DNA2: variants seen among roughly 807,000 people sequenced by gnomAD.
DNA2 encodes DNA replication helicase/nuclease 2.
A neutral mutation model predicts 119.1 loss-of-function variants in DNA2; 101 were observed. That is an observed-to-expected ratio of 0.85 (90% CI 0.72 to 1.00). The LOEUF is 1.00. Among genes scored for constraint, DNA2 ranks in the 50% least tolerant of loss-of-function variants. The pLI is 0.00. For missense variants in DNA2, 1,121 were observed against 1,255.5 expected (o/e 0.89, Z 1.62); for synonymous variants, 366 against 424.4 (o/e 0.86, Z 1.69).
At chr10:68,430,784 C>A in intron 13 of DNA2, 124 bp from the exon 14 acceptor site, 1 of 736,024 alleles carries the variant, frequency 1.4e-6, no homozygotes, top group Non-Finnish European at 2.2e-6. Context: ...ATTATGAAGC[C>A]AAAACATTTT....
chr10:68,471,058 T>C (rs1346351962), intron 1 of DNA2, among the ~76,000 whole-genome samples: 4 of 152,208 alleles, frequency 2.6e-5, no homozygotes, highest in African/African-American at 9.6e-5. Flanking sequence ...TCCTATTAAG[T>C]ACCTCTTAAG....
chr10:68,444,131 C>T lies in DNA2; in HGVS notation c.1220+790G>A, dbSNP rs74742102. Among the ~76,000 whole-genome samples, 183 of 152,092 alleles carry T rather than the reference C, an allele frequency of 1.2e-3. 6 individuals carry two copies. In the East Asian group the frequency reaches 0.026, roughly 22 times the overall value. On this transcript the variant is annotated intron_variant, in intron 8 of 20. Transcript: ENST00000358410. Reference sequence around the variant, plus strand: ...AAATTGCTGGGCGCAGTGGTTCATGCCTGTAATCCCAGCACTTTGGGAGGC... The same window carrying T: ...AAATTGCTGGGCGCAGTGGTTCATGTCTGTAATCCCAGCACTTTGGGAGGC...
At position 68,414,947 on chromosome 10, in the gene DNA2, G is replaced by A; in HGVS notation, c.*92C>T. The A allele has an allele frequency of 1.3e-6, 1 of 777,986 alleles. No individual in the cohort carries two copies. The highest frequency in any genetic ancestry group is 2.1e-6 in the Non-Finnish European group (1 of 483,528). 48.2% of individuals were successfully genotyped at this position (777,986 alleles called of 1,614,324 possible). On this transcript the variant is annotated 3_prime_UTR_variant, in exon 21 of 21. Transcript: ENST00000358410. ...ACCTGTGCTTTAAAACATAAATACT[G>A]CATTAAATTTTGTATGGTGATAGAA... is the stretch of plus-strand genomic sequence containing the variant.
chr10:68,429,639 G>C (rs1564880970), intron 14 of DNA2, among the ~76,000 whole-genome samples: 1 of 139,014 alleles, frequency 7.2e-6, no homozygotes, highest in African/African-American at 2.6e-5. Flanking sequence ...GTGAACCCAG[G>C]AGGCGAAGCT....
chr10:68,440,290 T>A (rs2051951047), intron 9 of DNA2, among the ~76,000 whole-genome samples: 1 of 152,102 alleles, frequency 6.6e-6, no homozygotes, highest in Non-Finnish European at 1.5e-5. Flanking sequence ...AAGACTTTTT[T>A]ATTTTTTATT....
In DNA2 at chr10:68,416,761, T is replaced by C. The variant is rs756640922; in HGVS notation, c.3062A>G (p.Asn1021Ser). ...CAGCTTCTCCAAAGGAGGATAGCAA[T>C]TTAGTGAGGGCACACACCCCAGAAG... ...LILLGCVPSL[N>S]CYPPLEKLLN... The change falls in exon 20 of 21, where the codon AAT becomes AGT. Residue 1021 changes from asparagine (N) to serine (S), a missense_variant. Physicochemically the swap from Asn to Ser is conservative, Grantham distance 46. Transcript: ENST00000358410. 2.5e-6 allele frequency: 4 copies of C among 1,613,918 alleles called. No individual in the cohort carries two copies. The Admixed American group carries it at 6.7e-5, about 27-fold the overall frequency.
chr10:68,417,211 C>T (rs1320496586), intron 19 of DNA2, among the ~76,000 whole-genome samples: 2 of 150,662 alleles, frequency 1.3e-5, no homozygotes, highest in Admixed American at 6.6e-5. Context: ...GAGCCATAAC[C>T]ATGCCTCCAC....
intron 14 of DNA2, chr10:68,424,437 G>A (rs1564878428): frequency 3.9e-6 from 2 of 516,418 alleles, no homozygotes; most frequent in East Asian, 3.6e-5. Context: ...CAAGGAGGTC[G>A]AGGCTGCAGT....
At chr10:68,443,756 C>G (rs1238179147) in intron 8 of DNA2, among the ~76,000 whole-genome samples, 1 of 152,062 alleles carries the variant, frequency 6.6e-6, no homozygotes, top group Non-Finnish European at 1.5e-5. Context: ...CGAGACCAGC[C>G]TGGGCAACAC....
chr10:68,438,985 A>C (rs2051929009), intron 9 of DNA2, among the ~76,000 whole-genome samples: 1 of 148,942 alleles, frequency 6.7e-6, no homozygotes. Flanking sequence ...GTGAGCTGAG[A>C]TCATGCCATT....
At chr10:68,427,611 T>G (rs1410530029) in intron 14 of DNA2, among the ~76,000 whole-genome samples, 1 of 149,388 alleles carries the variant, frequency 6.7e-6, no homozygotes, top group Non-Finnish European at 1.5e-5. Flanking sequence ...GTCTCACCAG[T>G]GCACTCCAGC....
intron 17 of DNA2, among the ~76,000 whole-genome samples, chr10:68,421,188 G>A (rs1476899597): frequency 2.6e-5 from 4 of 151,784 alleles, no homozygotes; most frequent in African/African-American, 7.3e-5. Context: ...CACCCCCCTC[G>A]GCCTCCCAAA....
intron 17 of DNA2, among the ~76,000 whole-genome samples, 184 bp from the exon 18 acceptor site, chr10:68,420,076 G>A (rs531343485): frequency 2.6e-5 from 4 of 152,248 alleles, no homozygotes; most frequent in African/African-American, 9.6e-5. Flanking sequence ...GCCACGCAGA[G>A]GCCACCTATC....
At chr10:68,417,391 C>CAAAAAAAAAAAAAAAAAAAAAAAA (rs35777569) in intron 19 of DNA2, among the ~76,000 whole-genome samples, 1 of 77,504 alleles carries the variant, frequency 1.3e-5, no homozygotes, top group African/African-American at 5.4e-5. Context: ...ATAAGAAAAC[C>CAAAAAAAAAAAAAAAAAAAAAAAA]AAAAAAAAAA....
intron 14 of DNA2, among the ~76,000 whole-genome samples, chr10:68,427,309 G>T (rs2051754927): frequency 6.6e-6 from 1 of 151,602 alleles, no homozygotes; most frequent in African/African-American, 2.4e-5. Flanking sequence ...AGTAAGCCGA[G>T]TTCACACCAC....
rs34922453 is a variant in DNA2, at chr10:68,446,276, TA to T, written c.1057+19del. The T allele has an allele frequency of 0.078, 94,865 of 1,212,670 alleles. 7,414 individuals are homozygous for T. Among genetic ancestry groups the T allele is most frequent in the African/African-American group, 0.43 (28,630 of 66,892 alleles). The allele number at this position is 1,212,670 out of a possible 1,614,324, so 75.1% of individuals were successfully genotyped here. On this transcript the variant is annotated intron_variant, in intron 7 of 20. Coordinates refer to ENST00000358410, the MANE Select transcript of DNA2 (RefSeq NM_001080449.3). ...GGGGGGGTGGGCAAAGAAGTAAAAC[TA>T]AAAAAAAAACGGCTCAACCTCTTTT... is the stretch of plus-strand genomic sequence containing the variant.
chr10:68,464,950 T>C (rs2052309458), intron 4 of DNA2, among the ~76,000 whole-genome samples: 1 of 150,724 alleles, frequency 6.6e-6, no homozygotes, highest in African/African-American at 2.4e-5. Context: ...CCCAGTCGTT[T>C]GAGTACAGCC....
At chr10:68,437,631 C>T (rs1218037657) in intron 9 of DNA2, among the ~76,000 whole-genome samples, 1 of 148,946 alleles carries the variant, frequency 6.7e-6, no homozygotes. Context: ...ACCTGGACAA[C>T]AAGAGCAAAA....
intron 14 of DNA2, among the ~76,000 whole-genome samples, chr10:68,425,833 A>T (rs2051733758): frequency 6.6e-6 from 1 of 151,884 alleles, no homozygotes. Flanking sequence ...AAACCCCAAA[A>T]ACCCAAAAAA....
Sources: allele counts gnomAD v4.1 joint callset (sites outside exome capture counted in the v4.1 genomes callset), GRCh38; gene constraint gnomAD v4.1.1; transcripts MANE v1.5; gene names NCBI Gene and HGNC (gene_info 2026-07-23, HGNC 2026-07-21).